Variants in KAZN observed in about 807,000 individuals in gnomAD.
KAZN encodes kazrin.
In KAZN, 40 loss-of-function variants were observed where a neutral mutation model predicts 87.4. The observed-to-expected ratio is 0.46, with a 90% CI of 0.36 to 0.60. The LOEUF (loss-of-function observed/expected upper bound fraction) is 0.60, where lower values mean the gene tolerates loss of function less well. Ranked by LOEUF, KAZN falls within the 20% of genes least tolerant of loss-of-function variation. KAZN has a pLI of 0.00. For missense variants in KAZN, 898 were observed against 1,073.9 expected (o/e 0.84, Z 2.29); for synonymous variants, 466 against 458.3 (o/e 1.02, Z -0.22).
At chr1:13,932,839 C>A (rs1557729489) in intron 1 of KAZN, among the ~76,000 whole-genome samples, 1 of 152,200 alleles carries the variant, frequency 6.6e-6, no homozygotes, top group African/African-American at 2.4e-5. Context: ...TTTCTTCTGA[C>A]AGGCTCACTT....
chr1:14,669,378 A>G (rs1460103243), intron 1 of KAZN, among the ~76,000 whole-genome samples: 5 of 152,216 alleles, frequency 3.3e-5, no homozygotes, highest in African/African-American at 1.2e-4. Flanking sequence ...ACAAGGAACT[A>G]TCTGACCCCA....
chr1:13,924,542 C>T (rs1052855517), intron 1 of KAZN, among the ~76,000 whole-genome samples: 9 of 152,170 alleles, frequency 5.9e-5, no homozygotes, highest in African/African-American at 2.2e-4. Flanking sequence ...TTAGGGCAAA[C>T]CTGCCTCTGA....
chr1:15,082,662 C>T (rs557995477), intron 8 of KAZN, among the ~76,000 whole-genome samples: 2 of 152,258 alleles, frequency 1.3e-5, no homozygotes, highest in African/African-American at 4.8e-5. Flanking sequence ...TTTACAAGGC[C>T]TTTACCTCTA....
At chr1:14,905,616 A>T (rs934139795) in intron 1 of KAZN, among the ~76,000 whole-genome samples, 43 of 152,266 alleles carry the variant, frequency 2.8e-4, no homozygotes, top group African/African-American at 8.9e-4. Flanking sequence ...GAGGCTGAGG[A>T]GGGCGGATCA....
At chr1:14,489,070 C>T (rs1669503914) in intron 2 of KAZN, among the ~76,000 whole-genome samples, 1 of 152,148 alleles carries the variant, frequency 6.6e-6, no homozygotes, top group Non-Finnish European at 1.5e-5. Context: ...TAACTTCTGT[C>T]CCACACCTTG....
At chr1:13,952,290 T>G (rs909230319) in intron 1 of KAZN, among the ~76,000 whole-genome samples, 1 of 151,424 alleles carries the variant, frequency 6.6e-6, no homozygotes, top group Non-Finnish European at 1.5e-5. Flanking sequence ...GCTGAATATT[T>G]GGACAAGCCA....
At position 14,923,858 on chromosome 1, in the gene KAZN, G is replaced by A. The variant is rs1658822969; in HGVS notation, c.227-36826G>A. 2.0e-5 allele frequency among the ~76,000 whole-genome samples: 3 copies of A among 152,222 alleles called. No homozygotes were observed. The highest frequency in any genetic ancestry group is 4.4e-5 in the Non-Finnish European group (3 of 68,038). ...ACAGCAAAGTGGGGTGCCAGGCAGA[G>A]GCCAGGGGCTTTCAAAGACCGGGGC... On this transcript the variant is annotated intron_variant, in intron 1 of 14. Coordinates refer to ENST00000376030, the MANE Select transcript of KAZN (RefSeq NM_201628.3). The surrounding 1 kb of genome is among the most constrained non-coding windows in gnomAD (Gnocchi z 4.2).
intron 3 of KAZN, among the ~76,000 whole-genome samples, chr1:15,043,120 G>A (rs1158606530): frequency 1.3e-5 from 2 of 152,188 alleles, no homozygotes; most frequent in Admixed American, 6.5e-5. Flanking sequence ...TGGGGCAAGC[G>A]GCTGAGGACT....
intron 1 of KAZN, among the ~76,000 whole-genome samples, chr1:14,167,786 G>A (rs1247488226): frequency 6.6e-6 from 1 of 152,112 alleles, no homozygotes; most frequent in Non-Finnish European, 1.5e-5. Context: ...AGTTAGGAAG[G>A]GCAGGGAGCA....
intron 2 of KAZN, among the ~76,000 whole-genome samples, chr1:14,269,005 T>A (rs1186088627): frequency 6.6e-6 from 1 of 152,218 alleles, no homozygotes; most frequent in Non-Finnish European, 1.5e-5. Flanking sequence ...ATTACCAGAT[T>A]TGCTACCGGA....
chr1:14,815,692 A>C (rs1646541509), intron 1 of KAZN, among the ~76,000 whole-genome samples: 1 of 152,132 alleles, frequency 6.6e-6, no homozygotes, highest in Non-Finnish European at 1.5e-5. Context: ...GGTGCCCACA[A>C]ACCTGGGAAC....
intron 2 of KAZN, among the ~76,000 whole-genome samples, chr1:14,423,256 T>C (rs571724048): frequency 9.9e-5 from 15 of 152,242 alleles, no homozygotes; most frequent in Admixed American, 9.8e-4. Flanking sequence ...AGGCTGAAAA[T>C]TGGTCAGATT....
chr1:14,286,121 A>C (rs1313666849), intron 2 of KAZN, among the ~76,000 whole-genome samples: 1 of 152,216 alleles, frequency 6.6e-6, no homozygotes. Context: ...TGGCTTGAAC[A>C]ACAGAAGTAT....
chr1:13,944,502 A>C (rs12138191), intron 1 of KAZN, among the ~76,000 whole-genome samples: 21,105 of 152,242 alleles, frequency 0.14, 1,549 homozygotes, highest in Middle Eastern at 0.22. Context: ...TACACTTGAG[A>C]TGAGTATTAT....
intron 2 of KAZN, among the ~76,000 whole-genome samples, chr1:14,362,569 G>C (rs141140163): frequency 2.0e-5 from 3 of 152,332 alleles, no homozygotes; most frequent in African/African-American, 7.2e-5. Flanking sequence ...GGCTGCTTAA[G>C]AGACTGTCTC....
At chr1:14,252,918 G>A (rs1650177821) in intron 2 of KAZN, among the ~76,000 whole-genome samples, 1 of 152,106 alleles carries the variant, frequency 6.6e-6, no homozygotes, top group South Asian at 2.1e-4. Flanking sequence ...CCCTCAGGGT[G>A]TACCATCAAA....
Position 14,363,372 on chromosome 1 carries a change from G to A in KAZN, c.249+182780G>A, listed in dbSNP as rs561604240. On this transcript the variant is annotated intron_variant, in intron 2 of 16. Transcript: ENST00000636203. ...GCCAGCCCAGACGGAGTGTAGCTAG[G>A]CTCACACCCACCCACCCTCTGGCCG... 2.0e-5 allele frequency among the ~76,000 whole-genome samples: 3 copies of A among 152,186 alleles called. No homozygotes were observed. In the East Asian group the frequency reaches 5.8e-4, roughly 29 times the overall value.
chr1:14,523,309 C>G (rs1571858402), intron 2 of KAZN, among the ~76,000 whole-genome samples: 2 of 152,196 alleles, frequency 1.3e-5, no homozygotes, highest in Admixed American at 1.3e-4. Context: ...CCCAGAGTTG[C>G]TCCCTCTCCA....
At chr1:14,512,883 C>G (rs1376432747) in intron 2 of KAZN, among the ~76,000 whole-genome samples, 1 of 152,202 alleles carries the variant, frequency 6.6e-6, no homozygotes, top group Non-Finnish European at 1.5e-5. Context: ...CTTCCTTGGA[C>G]GATCAGGCCG....
Sources: allele counts gnomAD v4.1 joint callset (sites outside exome capture counted in the v4.1 genomes callset), GRCh38; gene constraint gnomAD v4.1.1; non-coding constraint Gnocchi (gnomAD v3.1); transcripts MANE v1.5; gene names NCBI Gene and HGNC (gene_info 2026-07-23, HGNC 2026-07-21).